The following PTRH1 variants were observed in gnomAD, a reference collection of about 807,000 sequenced individuals.
PTRH1 encodes the protein peptidyl-tRNA hydrolase.
In PTRH1, 13 loss-of-function variants were observed where a neutral mutation model predicts 15.7. That is an observed-to-expected ratio of 0.83 (90% CI 0.54 to 1.31). PTRH1 has a LOEUF of 1.31. Ranked by LOEUF, PTRH1 falls within the 40% of genes most tolerant of loss-of-function variation. The pLI is 0.00. For missense variants in PTRH1, 319 were observed against 296.2 expected (o/e 1.08, Z -0.56); for synonymous variants, 139 against 136.7 (o/e 1.02, Z -0.12).
downstream of PTRH1, chr9:127,711,491 C>A (rs1564366189): frequency 6.2e-7 from 1 of 1,612,874 alleles, no homozygotes; most frequent in African/African-American, 1.3e-5. Flanking sequence ...AAGAGGCCAC[C>A]AGAAGGTGTG....
chr9:127,694,983 C>A lies in PTRH1; in HGVS notation c.364G>T (p.Glu122Ter), dbSNP rs1303774620. Residue 122 changes from glutamate to a stop codon, truncating the protein, a stop_gained, in exon 2 of 3, where the codon GAA becomes TAA. Transcript: ENST00000335223. LOFTEE classifies it high-confidence loss of function. ...CATGATCCTGACAGGTGACTTTGTT[C>A]CCTCCTGTAGTGCCCGTGGAGGCGG... 1 of 702,682 alleles carries A rather than the reference C, an allele frequency of 1.4e-6. No homozygotes were observed. The highest frequency in any genetic ancestry group is 1.5e-5 in the South Asian group (1 of 67,552). The allele number at this position is 702,682 out of a possible 1,614,324, so 43.5% of individuals were successfully genotyped here.
At chr9:127,703,852 C>G (rs1347352251) in intron 1 of PTRH1, among the ~76,000 whole-genome samples, 1 of 152,228 alleles carries the variant, frequency 6.6e-6, no homozygotes, top group African/African-American at 2.4e-5. Flanking sequence ...ACCTGCCACA[C>G]CTGGAGAAGA....
At chr9:127,714,331 G>C (rs1318680442) in intron 4 of PTRH1, 48 bp downstream of exon 4, 1 of 1,614,088 alleles carries the variant, frequency 6.2e-7, no homozygotes, top group Middle Eastern at 1.7e-4. Flanking sequence ...GGTGCTGGGG[G>C]ACCCCTGGCC....
At chr9:127,694,872 T>C in intron 2 of PTRH1, 2 of 659,198 alleles carry the variant, frequency 3.0e-6, no homozygotes, top group Non-Finnish European at 5.6e-6. Context: ...CTCTTCTGGG[T>C]ACAGGAAGCA....
At chr9:127,713,403 G>C, downstream of PTRH1, 1 of 514,180 alleles carries the variant, frequency 1.9e-6, no homozygotes, top group Non-Finnish European at 3.3e-6. Context: ...GCCCTGGGAG[G>C]GGGGTTGGCT....
Position 127,714,615 on chromosome 9 carries a change from C to T in PTRH1, c.404G>A (p.Gly135Glu). The change falls in exon 3 of 5, where the codon GGG (glycine) becomes GAG (glutamate). Residue 135 changes from glycine (G) to glutamate (E), a missense_variant. Coordinates refer to ENST00000543175, the MANE Select transcript of PTRH1 (RefSeq NM_001002913.3). Reference sequence around the variant, plus strand: ...CTCAGGACCTCACCTGGCACTGCCCCCCAGCTTCAGAGCCAGTCTCCCCAG... The same window carrying T: ...CTCAGGACCTCACCTGGCACTGCCCTCCAGCTTCAGAGCCAGTCTCCCCAG... ...KPLGRLALKL[G>E]GSARGHNGVR... is the part of the protein sequence containing the mutation. The T allele has an allele frequency of 6.2e-7, 1 of 1,613,974 alleles. No individual in the cohort carries two copies.
At chr9:127,696,786 C>T (rs759552253) in intron 1 of PTRH1, among the ~76,000 whole-genome samples, 2 of 152,078 alleles carry the variant, frequency 1.3e-5, no homozygotes, top group East Asian at 1.9e-4. Context: ...CACTTGACCC[C>T]GGGAGGCAGA....
At chr9:127,714,941 G>GGCCCCCCCCCCCCCCCCCC in intron 2 of PTRH1, 34 bp downstream of exon 2, 1 of 446,380 alleles carries the variant, frequency 2.2e-6, no homozygotes, top group South Asian at 2.1e-5. Flanking sequence ...CACCCCCTTG[G>GGCCCCCCCCCCCCCCCCCC]CCCGCCCGCC....
At chr9:127,712,471 G>A (rs1274655696), downstream of PTRH1, 7 of 1,469,316 alleles carry the variant, frequency 4.8e-6, no homozygotes, top group Non-Finnish European at 6.4e-6. Flanking sequence ...GAGACTCCTG[G>A]AAAGTCTGTC....
At chr9:127,706,937 C>A in intron 1 of PTRH1, 1 of 1,467,926 alleles carries the variant, frequency 6.8e-7, no homozygotes, top group Non-Finnish European at 9.2e-7. Context: ...TTAAGCCCAG[C>A]CTCACTCCCT....
downstream of PTRH1, chr9:127,711,377 A>C: frequency 6.2e-7 from 1 of 1,614,226 alleles, no homozygotes; most frequent in Non-Finnish European, 8.5e-7. Flanking sequence ...CCAGCAAGGC[A>C]TGAAGCTGCT....
At chr9:127,698,905 CTT>C (rs143136665) in intron 1 of PTRH1, among the ~76,000 whole-genome samples, 83 of 136,838 alleles carry the variant, frequency 6.1e-4, no homozygotes, top group Middle Eastern at 7.4e-3. Context: ...ACAAGACCAA[CTT>C]TTTTTTTTTT....
Position 127,714,148 on chromosome 9 carries a change from G to T in PTRH1, c.597C>A (p.Ile199=). 1 of 1,613,824 alleles carries T rather than the reference G, an allele frequency of 6.2e-7. No individual in the cohort carries two copies. Among genetic ancestry groups the T allele is most frequent in the Non-Finnish European group, 8.5e-7 (1 of 1,180,010 alleles). Residue 199 remains isoleucine, a synonymous_variant, in exon 5 of 5, where the codon ATC becomes ATA. Coordinates refer to ENST00000543175, the MANE Select transcript of PTRH1 (RefSeq NM_001002913.3). ...PLLLDRATDL[I]LDHIRERSQG... is the part of the protein sequence containing the mutation. The stretch of plus-strand genomic sequence containing the variant: ...GGCTTCGCTCACGGATGTGGTCCAA[G>T]ATCAGGTCGGTGGCTCGATCCAGCA...
At chr9:127,703,956 G>A (rs1377622678) in intron 1 of PTRH1, among the ~76,000 whole-genome samples, 1 of 152,152 alleles carries the variant, frequency 6.6e-6, no homozygotes, top group African/African-American at 2.4e-5. Flanking sequence ...GCAGGGAGGG[G>A]TGGGGTGCTG....
At position 127,708,786 on chromosome 9, in the gene PTRH1, A is replaced by G. The variant is rs552128336; in HGVS notation, c.205+6649T>C. 4.6e-5 allele frequency among the ~76,000 whole-genome samples: 7 copies of G among 152,356 alleles called. No individual in the cohort carries two copies. The East Asian group carries it at 1.4e-3, about 29-fold the overall frequency. On this transcript the variant is annotated intron_variant, in intron 1 of 2. Coordinates refer to the PTRH1 transcript ENST00000335223. ...AGGAGCACCAAAGAGAGGGCCACAA[A>G]TGTGGCTCAGGGCCAAGAAGGGTCC...
At chr9:127,712,360 G>T, downstream of PTRH1, 1 of 1,613,238 alleles carries the variant, frequency 6.2e-7, no homozygotes, top group South Asian at 1.1e-5. Flanking sequence ...GTGAGCAGAA[G>T]GGAGAGAGGG....
downstream of PTRH1, chr9:127,713,108 G>A (rs780458865): frequency 1.2e-6 from 2 of 1,613,490 alleles, no homozygotes; most frequent in East Asian, 4.5e-5. Context: ...TCTAGGCCTG[G>A]TACCTCGCCA....
Position 127,705,770 on chromosome 9 carries a change from C to T in PTRH1, c.205+9665G>A, listed in dbSNP as rs1164359178. Among the ~76,000 whole-genome samples, 1 of 152,230 alleles carries T rather than the reference C, an allele frequency of 6.6e-6. No homozygotes were observed. The highest frequency in any genetic ancestry group is 1.5e-5 in the Non-Finnish European group (1 of 68,022). ...GCATTGAGCTGGAAGGGCACTGGGC[C>T]AGGCCTCCCCGCTCTCCCCACAAGG... On this transcript the variant is annotated intron_variant, in intron 1 of 2. Transcript: ENST00000335223. The surrounding 1 kb of genome is among the most constrained non-coding windows in gnomAD (Gnocchi z 4.7).
intron 1 of PTRH1, among the ~76,000 whole-genome samples, chr9:127,698,965 A>T (rs1256409310): frequency 7.4e-6 from 1 of 135,518 alleles, no homozygotes; most frequent in Non-Finnish European, 1.5e-5. Flanking sequence ...CAGCGGTGTG[A>T]TCTCGGTTCA....
Sources: allele counts gnomAD v4.1 joint callset (sites outside exome capture counted in the v4.1 genomes callset), GRCh38; gene constraint gnomAD v4.1.1; non-coding constraint Gnocchi (gnomAD v3.1); transcripts MANE v1.5; gene names NCBI Gene and HGNC (gene_info 2026-07-23, HGNC 2026-07-21).